PARD3B: variants seen among roughly 807,000 people sequenced by gnomAD.
The protein encoded by PARD3B is partitioning defective 3 homolog B.
Under a neutral mutation model 130.2 loss-of-function variants are expected in PARD3B, and 103 were observed. That is an observed-to-expected ratio of 0.79 (90% CI 0.67 to 0.93). PARD3B has a LOEUF of 0.93. PARD3B is among the 40% of genes least tolerant of loss of function. The probability of loss-of-function intolerance (pLI) is 0.00; values close to 1 mark genes in which losing one functional copy is unlikely to be tolerated. For synonymous variants in PARD3B, 583 were observed against 553.2 expected (o/e 1.05, Z -0.76); for missense variants, 1,609 against 1,499.2 (o/e 1.07, Z -1.21).
chr2:205,043,446 A>G lies in PARD3B; in HGVS notation c.395-4135A>G, dbSNP rs1698527776. ...GTTTTAAGTGATGAGACTGAGTCAC[A>G]GAGCAGTGCAAGTTCAATGCCACAG... On this transcript the variant is annotated intron_variant, in intron 3 of 22. Coordinates refer to ENST00000406610, the MANE Select transcript of PARD3B (RefSeq NM_001302769.2). 2.6e-5 allele frequency among the ~76,000 whole-genome samples: 4 copies of G among 152,192 alleles called. No homozygotes were observed. The South Asian group carries it at 8.3e-4, about 32-fold the overall frequency.
At chr2:204,730,200 G>C (rs528168020) in intron 2 of PARD3B, among the ~76,000 whole-genome samples, 5 of 152,032 alleles carry the variant, frequency 3.3e-5, no homozygotes, top group East Asian at 1.9e-4. Context: ...TCAGCCTCCC[G>C]AGTAGCTGGG....
intron 2 of PARD3B, among the ~76,000 whole-genome samples, chr2:204,876,680 A>G (rs1476439452): frequency 1.3e-5 from 2 of 151,948 alleles, no homozygotes; most frequent in Admixed American, 1.3e-4. Flanking sequence ...AACCCCAGGC[A>G]CTCCTAATCC....
chr2:204,929,109 T>C (rs1385582124), intron 2 of PARD3B, among the ~76,000 whole-genome samples: 2 of 152,060 alleles, frequency 1.3e-5, no homozygotes, highest in Non-Finnish European at 2.9e-5. Flanking sequence ...TTTTTTTTTT[T>C]CCATTTCAGC....
chr2:205,379,791 C>T (rs2045239999), intron 18 of PARD3B, among the ~76,000 whole-genome samples: 1 of 151,856 alleles, frequency 6.6e-6, no homozygotes, highest in African/African-American at 2.4e-5. Flanking sequence ...TGTGTGGGGC[C>T]AGGTGCAGTG....
intron 5 of PARD3B, among the ~76,000 whole-genome samples, chr2:205,110,150 C>T (rs182498610): frequency 2.2e-4 from 33 of 152,294 alleles, no homozygotes; most frequent in Admixed American, 1.8e-3. Flanking sequence ...TTCATCTCTT[C>T]CATACCTCAA....
chr2:204,829,033 T>C (rs767548159), intron 2 of PARD3B, among the ~76,000 whole-genome samples: 3 of 152,244 alleles, frequency 2.0e-5, no homozygotes, highest in Non-Finnish European at 2.9e-5. Context: ...TGGATAGTGC[T>C]GTAAACTGTG....
At chr2:204,589,856 G>T (rs576811316) in intron 1 of PARD3B, among the ~76,000 whole-genome samples, 3 of 152,174 alleles carry the variant, frequency 2.0e-5, no homozygotes, top group Non-Finnish European at 2.9e-5. Context: ...CAACTTTTTG[G>T]CACAGTCCCT....
intron 12 of PARD3B, among the ~76,000 whole-genome samples, chr2:205,174,598 A>G (rs2035359913): frequency 6.6e-6 from 1 of 152,206 alleles, no homozygotes; most frequent in Non-Finnish European, 1.5e-5. Context: ...GTGGAACAGC[A>G]CTTGCCCTCC....
intron 1 of PARD3B, among the ~76,000 whole-genome samples, chr2:204,551,018 G>C (rs1410447521): frequency 2.0e-5 from 3 of 152,098 alleles, no homozygotes; most frequent in African/African-American, 4.8e-5. Flanking sequence ...TTCCTATTCA[G>C]ACCTCACTTC....
intron 2 of PARD3B, among the ~76,000 whole-genome samples, chr2:204,819,064 A>G (rs1196334509): frequency 6.6e-6 from 1 of 152,208 alleles, no homozygotes; most frequent in African/African-American, 2.4e-5. Flanking sequence ...ATACAGTTGG[A>G]GATACACACA....
At chr2:205,367,896 A>AT (rs2044668110) in intron 18 of PARD3B, among the ~76,000 whole-genome samples, 1 of 152,088 alleles carries the variant, frequency 6.6e-6, no homozygotes, top group Non-Finnish European at 1.5e-5. Context: ...TACTCCTTTT[A>AT]TTCTTTTAAT....
At chr2:204,550,103 G>A (rs2030335306) in intron 1 of PARD3B, among the ~76,000 whole-genome samples, 1 of 152,090 alleles carries the variant, frequency 6.6e-6, no homozygotes, top group African/African-American at 2.4e-5. Flanking sequence ...GTATCCATAG[G>A]GGATTGATTC....
At chr2:204,884,235 A>G (rs564637576) in intron 2 of PARD3B, among the ~76,000 whole-genome samples, 3 of 152,278 alleles carry the variant, frequency 2.0e-5, no homozygotes, top group Non-Finnish European at 4.4e-5. Flanking sequence ...TTAATAGATT[A>G]TGTCTACAAA....
intron 18 of PARD3B, among the ~76,000 whole-genome samples, chr2:205,386,332 C>G (rs1416701544): frequency 6.6e-6 from 1 of 152,200 alleles, no homozygotes; most frequent in Admixed American, 6.5e-5. Context: ...TCCAAGTTAA[C>G]TGGCCCACAC....
chr2:205,375,043 G>T (rs2044986194), intron 18 of PARD3B, among the ~76,000 whole-genome samples: 1 of 152,028 alleles, frequency 6.6e-6, no homozygotes, highest in African/African-American at 2.4e-5. Flanking sequence ...TTTAACATAG[G>T]TAACCCCATA....
At chr2:205,428,748 T>C (rs1289926045) in intron 19 of PARD3B, among the ~76,000 whole-genome samples, 1 of 152,208 alleles carries the variant, frequency 6.6e-6, no homozygotes, top group African/African-American at 2.4e-5. Flanking sequence ...AAAAATTCTG[T>C]AATGTTAAAT....
intron 2 of PARD3B, among the ~76,000 whole-genome samples, chr2:204,948,333 A>G (rs535581410): frequency 6.6e-6 from 1 of 152,232 alleles, no homozygotes; most frequent in Non-Finnish European, 1.5e-5. Context: ...GTGAGAATAT[A>G]GTATTTGGCA....
chr2:205,318,990 C>G (rs746213312), intron 18 of PARD3B, among the ~76,000 whole-genome samples: 2 of 152,174 alleles, frequency 1.3e-5, no homozygotes, highest in African/African-American at 2.4e-5. Context: ...GTGTTCTCCT[C>G]AGTACCTCCG....
intron 2 of PARD3B, among the ~76,000 whole-genome samples, chr2:204,923,927 A>G (rs1440799532): frequency 6.6e-6 from 1 of 152,090 alleles, no homozygotes; most frequent in African/African-American, 2.4e-5. Flanking sequence ...ATTTCAACAT[A>G]ATCTAGAATT....
Sources: allele counts gnomAD v4.1 joint callset (sites outside exome capture counted in the v4.1 genomes callset), GRCh38; gene constraint gnomAD v4.1.1; transcripts MANE v1.5; gene names NCBI Gene and HGNC (gene_info 2026-07-23, HGNC 2026-07-21).